The following LYPD6 variants were observed in gnomAD, a reference collection of about 807,000 sequenced individuals.
LYPD6 encodes the protein LY6/PLAUR domain containing 6.
Under a neutral mutation model 22.7 loss-of-function variants are expected in LYPD6, and 15 were observed. The ratio of observed to expected loss-of-function variants is 0.66; its 90% CI spans 0.44 to 1.02. LYPD6 has a LOEUF of 1.02. LYPD6 is among the 50% of genes least tolerant of loss of function. The pLI is 0.00. For synonymous variants in LYPD6, 72 were observed against 77.5 expected (o/e 0.93, Z 0.37); for missense variants, 189 against 208.4 (o/e 0.91, Z 0.57).
chr2:149,334,955 T>C (rs915145558), intron 1 of LYPD6, among the ~76,000 whole-genome samples: 3 of 152,162 alleles, frequency 2.0e-5, no homozygotes, highest in Non-Finnish European at 4.4e-5. Flanking sequence ...GCACAACACA[T>C]TACTTACCTG....
rs138059797 is a variant in LYPD6, at chr2:149,412,401, A to G, written c.-71-25237A>G. Among the ~76,000 whole-genome samples the G allele has an allele frequency of 7.9e-3, 1,188 of 150,102 alleles. 15 individuals carry two copies. The highest frequency in any genetic ancestry group is 0.026 in the African/African-American group (1,074 of 40,882). ...GGACTGGTGTTTAGAGATGACACTTATCTATGTTTTTCATGATCTAATCTT... is the reference window on the plus strand; with the variant it reads ...GGACTGGTGTTTAGAGATGACACTTGTCTATGTTTTTCATGATCTAATCTT... On this transcript the variant is annotated intron_variant, in intron 1 of 4. Coordinates refer to ENST00000334166, the MANE Select transcript of LYPD6 (RefSeq NM_194317.5).
downstream of LYPD6, among the ~76,000 whole-genome samples, chr2:149,478,854 GT>G (rs1681481295): frequency 6.6e-6 from 1 of 152,160 alleles, no homozygotes; most frequent in Non-Finnish European, 1.5e-5. Flanking sequence ...GAATGATAAA[GT>G]TGAAAGAACT....
intron 3 of LYPD6, among the ~76,000 whole-genome samples, chr2:149,458,797 T>G (rs956202311): frequency 1.3e-5 from 2 of 152,098 alleles, no homozygotes; most frequent in African/African-American, 4.8e-5. Context: ...AATAAAAATC[T>G]CAATAGATGG....
chr2:149,402,013 C>A (rs2105109959), intron 1 of LYPD6, among the ~76,000 whole-genome samples: 1 of 152,124 alleles, frequency 6.6e-6, no homozygotes, highest in Non-Finnish European at 1.5e-5. Flanking sequence ...TCTCTGGATA[C>A]CTAATTCATG....
chr2:149,378,127 T>C (rs1441237727), intron 1 of LYPD6, among the ~76,000 whole-genome samples: 1 of 152,074 alleles, frequency 6.6e-6, no homozygotes, highest in Non-Finnish European at 1.5e-5. Context: ...TAATAATATA[T>C]ATATTTTGAG....
At chr2:149,429,950 A>G (rs1418919376) in intron 1 of LYPD6, among the ~76,000 whole-genome samples, 1 of 152,192 alleles carries the variant, frequency 6.6e-6, no homozygotes, top group African/African-American at 2.4e-5. Context: ...TGTAAGTTGC[A>G]TCATGCTCTA....
rs1367394777 is a variant in LYPD6 at position 149,473,872 on chromosome 2, T to G, written c.*3022T>G. The G allele has an allele frequency of 6.6e-6, 1 of 152,244 alleles. No homozygotes were observed. The highest frequency in any genetic ancestry group is 1.5e-5 in the Non-Finnish European group (1 of 68,052). The allele number at this position is 152,244 out of a possible 1,614,324, so 9.4% of individuals were successfully genotyped here. A position where few individuals can be genotyped will look rare whatever the true frequency, so the allele number is the denominator to read the frequency against. On this transcript the variant is annotated 3_prime_UTR_variant, in exon 5 of 5. Coordinates refer to ENST00000334166, the MANE Select transcript of LYPD6 (RefSeq NM_194317.5). Reference sequence around the variant, plus strand: ...GGCTACCAGACTTTTCAATAAGGTCTACAGCTTCCCAAGAGCATGTCTTTG... The same window carrying G: ...GGCTACCAGACTTTTCAATAAGGTCGACAGCTTCCCAAGAGCATGTCTTTG...
At chr2:149,414,130 G>C (rs183055775) in intron 1 of LYPD6, among the ~76,000 whole-genome samples, 9 of 152,280 alleles carry the variant, frequency 5.9e-5, no homozygotes, top group Admixed American at 5.9e-4. Context: ...AACTTTGATA[G>C]ATGTTCAGTT....
chr2:149,405,277 T>C (rs1368916501), intron 1 of LYPD6, among the ~76,000 whole-genome samples: 1 of 152,164 alleles, frequency 6.6e-6, no homozygotes, highest in Non-Finnish European at 1.5e-5. Context: ...TTCCCTCTTT[T>C]TCTATTGATT....
chr2:149,396,323 T>C (rs1559136824), intron 1 of LYPD6, among the ~76,000 whole-genome samples: 2 of 152,144 alleles, frequency 1.3e-5, no homozygotes, highest in South Asian at 4.1e-4. Flanking sequence ...TTTGTTCCTT[T>C]ATATTTTGTG....
chr2:149,431,930 C>CA (rs1000707594), intron 1 of LYPD6, among the ~76,000 whole-genome samples: 3 of 151,776 alleles, frequency 2.0e-5, no homozygotes, highest in African/African-American at 7.3e-5. Context: ...AATATTCAGG[C>CA]AAAATATTGG....
chr2:149,345,610 C>T (rs1038690104), intron 1 of LYPD6, among the ~76,000 whole-genome samples: 4 of 151,828 alleles, frequency 2.6e-5, no homozygotes, highest in Admixed American at 6.6e-5. Context: ...CCAACGCACC[C>T]GGCCTTAATT....
chr2:149,333,439 A>C (rs1262807720), intron 1 of LYPD6, among the ~76,000 whole-genome samples: 2 of 152,210 alleles, frequency 1.3e-5, no homozygotes, highest in African/African-American at 4.8e-5. Context: ...ACTACTAGTA[A>C]GTCTTGGTTA....
At chr2:149,464,794 G>A (rs1681165282) in intron 3 of LYPD6, among the ~76,000 whole-genome samples, 1 of 152,196 alleles carries the variant, frequency 6.6e-6, no homozygotes, top group African/African-American at 2.4e-5. Flanking sequence ...GGATAATGGA[G>A]ACATTTCAGA....
At chr2:149,331,921 C>T (rs1383858859) in intron 1 of LYPD6, among the ~76,000 whole-genome samples, 1 of 152,160 alleles carries the variant, frequency 6.6e-6, no homozygotes, top group African/African-American at 2.4e-5. Flanking sequence ...AGAGCAATTC[C>T]CTTAAAGCCA....
chr2:149,341,543 T>C (rs148817858), intron 1 of LYPD6, among the ~76,000 whole-genome samples: 58 of 152,264 alleles, frequency 3.8e-4, no homozygotes, highest in Non-Finnish European at 7.4e-4. Context: ...ATGCCTTTCA[T>C]AGAGAAAAGC....
At chr2:149,359,265 G>A (rs112291362) in intron 1 of LYPD6, among the ~76,000 whole-genome samples, 5,037 of 152,246 alleles carry the variant, frequency 0.033, 264 homozygotes, top group African/African-American at 0.11. Context: ...ATTCCTATGG[G>A]GGTGTCCAGG....
At position 149,351,391 on chromosome 2, in the gene LYPD6, C is replaced by T. The variant is rs545819472; in HGVS notation, c.-72+20669C>T. On this transcript the variant is annotated intron_variant, in intron 1 of 4. Transcript: ENST00000334166. Reference sequence around the variant, plus strand: ...CCTGGGTGACAGAGTGAGACTCCATCTAAAAAAAAAAAAAAAAAAAAAAAG... The same window carrying T: ...CCTGGGTGACAGAGTGAGACTCCATTTAAAAAAAAAAAAAAAAAAAAAAAG... Among the ~76,000 whole-genome samples, 3 of 58,562 alleles carry T rather than the reference C, an allele frequency of 5.1e-5. No individual in the cohort carries two copies. The East Asian group carries it at 3.9e-3, about 76-fold the overall frequency. The allele number at this position is 58,562 out of a possible 152,430, so 38.4% of individuals were successfully genotyped here.
At chr2:149,484,448 G>C in the LYPD6 span, among the ~76,000 whole-genome samples, 2 of 152,154 alleles carry the variant, frequency 1.3e-5, no homozygotes, top group South Asian at 2.1e-4. Context: ...GATTTAAAAT[G>C]TCTTCCATGA....
Sources: allele counts gnomAD v4.1 joint callset (sites outside exome capture counted in the v4.1 genomes callset), GRCh38; gene constraint gnomAD v4.1.1; transcripts MANE v1.5; gene names NCBI Gene and HGNC (gene_info 2026-07-23, HGNC 2026-07-21).